LIN28A: variants seen among roughly 807,000 people sequenced by gnomAD.
The protein encoded by LIN28A is protein lin-28 homolog A.
A neutral mutation model predicts 21.1 loss-of-function variants in LIN28A; 11 were observed. The ratio of observed to expected loss-of-function variants is 0.52; its 90% CI spans 0.33 to 0.86. LIN28A has a LOEUF of 0.86. Among genes scored for constraint, LIN28A ranks in the 40% least tolerant of loss-of-function variants. LIN28A has a pLI of 0.03. For synonymous variants in LIN28A, 111 were observed against 108.7 expected (o/e 1.02, Z -0.13); for missense variants, 219 against 279.8 (o/e 0.78, Z 1.55).
intron 2 of LIN28A, among the ~76,000 whole-genome samples, chr1:26,418,217 C>G (rs2075006620): frequency 6.6e-6 from 1 of 152,060 alleles, no homozygotes; most frequent in Non-Finnish European, 1.5e-5. Flanking sequence ...AGTACTTTAA[C>G]TGGAGAGATT....
rs1390676157 is a variant in LIN28A, at chr1:26,411,856, G to GGCAGGGA, written c.228+276_228+282dup. On this transcript the variant is annotated intron_variant, in intron 2 of 3. Transcript: ENST00000326279. This position sits in a 1 kb window ranked among gnomAD's most constrained non-coding sequence, Gnocchi z 5.4. The stretch of plus-strand genomic sequence containing the variant: ...CTCTTTCCCCTGGGAAGGGGCAGGG[G>GGCAGGGA]GCAGGGAGGTGACCCCATGTGGCAG... 1.6e-4 allele frequency among the ~76,000 whole-genome samples: 25 copies of GGCAGGGA among 152,236 alleles called. No homozygotes were observed. The highest frequency in any genetic ancestry group is 1.6e-3 in the Admixed American group (24 of 15,288).
At position 26,410,818 on chromosome 1, in the gene LIN28A, CT is replaced by C; in HGVS notation, c.-71del. On this transcript the variant is annotated 5_prime_UTR_variant, in exon 1 of 4. Coordinates refer to ENST00000326279, the MANE Select transcript of LIN28A (RefSeq NM_024674.6). ...TAGCAGCTTCTTCTCCGAACCAACC[CT>C]TTGCCTTCGGACTTCTCCGGGGCCA... 2.6e-6 allele frequency: 4 copies of C among 1,532,334 alleles called. No homozygotes were observed. Among genetic ancestry groups the C allele is most frequent in the Non-Finnish European group, 3.6e-6 (4 of 1,107,854 alleles). The allele number at this position is 1,532,334 out of a possible 1,614,324, so 94.9% of individuals were successfully genotyped here. A position where few individuals can be genotyped will look rare whatever the true frequency, so the allele number is the denominator to read the frequency against.
Position 26,426,622 on chromosome 1 carries a change from G to A in LIN28A, c.*164G>A. On this transcript the variant is annotated 3_prime_UTR_variant, in exon 4 of 4. Coordinates refer to ENST00000326279, the MANE Select transcript of LIN28A (RefSeq NM_024674.6). ...TCTTCCCTCTAGGTGGGGGGAAAGGGTGAGTCAAAGGAACTCCAACCATGC... is the reference window on the plus strand; with the variant it reads ...TCTTCCCTCTAGGTGGGGGGAAAGGATGAGTCAAAGGAACTCCAACCATGC... 2 of 629,356 alleles carry A rather than the reference G, an allele frequency of 3.2e-6. No homozygotes were observed. The highest frequency in any genetic ancestry group is 5.7e-6 in the Non-Finnish European group (2 of 350,296). The allele number at this position is 629,356 out of a possible 1,614,324, so 39.0% of individuals were successfully genotyped here.
Position 26,424,943 on chromosome 1 carries a change from A to G in LIN28A, c.229-360A>G, listed in dbSNP as rs1187423001. Among the ~76,000 whole-genome samples, 3 of 152,084 alleles carry G rather than the reference A, an allele frequency of 2.0e-5. No individual in the cohort carries two copies. In the East Asian group the frequency reaches 5.8e-4, roughly 29 times the overall value. On this transcript the variant is annotated intron_variant, in intron 2 of 3. Coordinates refer to ENST00000326279, the MANE Select transcript of LIN28A (RefSeq NM_024674.6). Reference sequence around the variant, plus strand: ...TTTTTAGTAGAGACAGAGTTTCACCATGTTGGCCAAGCTGGTCTCGAACTC... The same window carrying G: ...TTTTTAGTAGAGACAGAGTTTCACCGTGTTGGCCAAGCTGGTCTCGAACTC...
intron 2 of LIN28A, among the ~76,000 whole-genome samples, chr1:26,415,766 C>T (rs774337460): frequency 2.0e-5 from 3 of 152,074 alleles, no homozygotes; most frequent in Non-Finnish European, 2.9e-5. Context: ...GATCACCACT[C>T]GGAGCCCAGA....
chr1:26,425,458 C>A lies in LIN28A; in HGVS notation c.384C>A (p.Ser128Arg). The A allele has an allele frequency of 6.2e-7, 1 of 1,614,028 alleles. No individual in the cohort carries two copies. The highest frequency in any genetic ancestry group is 8.5e-7 in the Non-Finnish European group (1 of 1,179,974). The change falls in exon 3 of 4, where the codon AGC becomes AGA. Residue 128 changes from serine (S) to arginine (R), a missense_variant. By Grantham distance (110) the Ser-to-Arg change is moderately radical. Transcript: ENST00000326279. The part of the protein sequence containing the change: ...IGSERRPKGK[S>R]MQKRRSKGDR... ...GTGAGAGGCGGCCAAAAGGAAAGAG[C>A]ATGCAGAAGCGCAGATCAAAAGGAG...
At chr1:26,422,510 A>G (rs955494843) in intron 2 of LIN28A, among the ~76,000 whole-genome samples, 1 of 148,824 alleles carries the variant, frequency 6.7e-6, no homozygotes, top group Admixed American at 6.7e-5. Flanking sequence ...TATGACCTTG[A>G]CATTTTTGAA....
chr1:26,424,334 G>A (rs547947471), intron 2 of LIN28A, among the ~76,000 whole-genome samples: 30 of 151,922 alleles, frequency 2.0e-4, no homozygotes, highest in African/African-American at 5.8e-4. Flanking sequence ...CTCTGCCTCC[G>A]GGGTTCAAGC....
intron 2 of LIN28A, among the ~76,000 whole-genome samples, chr1:26,419,858 G>A (rs182669654): frequency 7.9e-4 from 120 of 152,238 alleles, no homozygotes; most frequent in Non-Finnish European, 9.4e-4. Flanking sequence ...AATTGCTTGG[G>A]TCCAGAAGGC....
intron 2 of LIN28A, among the ~76,000 whole-genome samples, chr1:26,416,291 C>T (rs764510097): frequency 9.9e-5 from 15 of 152,124 alleles, no homozygotes; most frequent in East Asian, 1.9e-4. Flanking sequence ...TGATGCCCGG[C>T]GACAGTGTAA....
At position 26,425,262 on chromosome 1, in the gene LIN28A, T is replaced by C. The variant is rs1570318115; in HGVS notation, c.229-41T>C. The C allele has an allele frequency of 1.9e-6, 3 of 1,585,042 alleles. 1 individual carries two copies. Among genetic ancestry groups the C allele is most frequent in the South Asian group, 2.2e-5 (2 of 89,098 alleles). ...AGTTCCTTGTCTTTTGGTATAATAA[T>C]GGAAATTAATGTTAAAATTTACTGC... is the stretch of plus-strand genomic sequence containing the variant. On this transcript the variant is annotated intron_variant, in intron 2 of 3. Transcript: ENST00000326279.
rs1315231078 is a variant in LIN28A, at chr1:26,429,241, CTAAAG to C, written c.*2789_*2793del. The C allele has an allele frequency of 6.5e-6, 1 of 153,024 alleles. No individual in the cohort carries two copies. Among genetic ancestry groups the C allele is most frequent in the African/African-American group, 2.4e-5 (1 of 41,418 alleles). 9.5% of individuals were successfully genotyped at this position (153,024 alleles called of 1,614,324 possible). A position where few individuals can be genotyped will look rare whatever the true frequency, so the allele number is the denominator to read the frequency against. On this transcript the variant is annotated 3_prime_UTR_variant, in exon 4 of 4. Transcript: ENST00000326279. ...ACCTCCTTAATTTTAATTTCTAATC[CTAAAG>C]TAAAGAGATGCAATTGGGGGCCTTC...
intron 2 of LIN28A, among the ~76,000 whole-genome samples, chr1:26,413,828 T>C (rs1410894215): frequency 2.1e-5 from 3 of 144,404 alleles, no homozygotes; most frequent in East Asian, 2.0e-4. Flanking sequence ...TTTGTTGCTT[T>C]TTTTTTTTTT....
Position 26,411,039 on chromosome 1 carries a change from C to T in LIN28A, c.31+117C>T. The T allele has an allele frequency of 7.5e-7, 1 of 1,328,366 alleles. No individual in the cohort carries two copies. The highest frequency in any genetic ancestry group is 1.0e-6 in the Non-Finnish European group (1 of 980,082). The allele number at this position is 1,328,366 out of a possible 1,614,324, so 82.3% of individuals were successfully genotyped here. A position where few individuals can be genotyped will look rare whatever the true frequency, so the allele number is the denominator to read the frequency against. On this transcript the variant is annotated intron_variant, in intron 1 of 3. Transcript: ENST00000326279. This position sits in a 1 kb window ranked among gnomAD's most constrained non-coding sequence, Gnocchi z 5.4. ...CCCAAAGGACCCCAAGACGGTGCGG[C>T]CTTCTGCTTCATAGGGCCGTCTCTG...
chr1:26,424,983 T>C (rs920768980), intron 2 of LIN28A, among the ~76,000 whole-genome samples: 9 of 152,150 alleles, frequency 5.9e-5, no homozygotes, highest in African/African-American at 2.2e-4. Context: ...CTTCAGGTGA[T>C]CCTCCCGCCT....
intron 2 of LIN28A, among the ~76,000 whole-genome samples, chr1:26,425,057 A>G (rs2075050362): frequency 6.6e-6 from 1 of 152,106 alleles, no homozygotes; most frequent in African/African-American, 2.4e-5. Context: ...GTTCTATTTT[A>G]TTAAGAACTT....
chr1:26,422,132 C>T (rs1020589013), intron 2 of LIN28A, among the ~76,000 whole-genome samples: 9 of 152,112 alleles, frequency 5.9e-5, no homozygotes, highest in Non-Finnish European at 1.0e-4. Flanking sequence ...CCTCAGCCTC[C>T]CCAGTAGTTG....
At chr1:26,425,137 T>C (rs2075050861) in intron 2 of LIN28A, among the ~76,000 whole-genome samples, 166 bp from the exon 3 acceptor site, 2 of 152,230 alleles carry the variant, frequency 1.3e-5, no homozygotes, top group African/African-American at 4.8e-5. Context: ...AATGTACTGG[T>C]AGACTTTGTT....
Position 26,411,556 on chromosome 1 carries a change from C to G in LIN28A, c.202C>G (p.Pro68Ala). 6.2e-7 allele frequency: 1 copy of G among 1,613,780 alleles called. No individual in the cohort carries two copies. ...CGCCCGCGCCGGGGTCGCGCTCGAC[C>G]CCCCAGTGGATGTCTTTGTGCACCA... The part of the protein sequence containing the change: ...MTARAGVALD[P>A]PVDVFVHQSK... Residue 68 changes from proline to alanine, a missense_variant, in exon 2 of 4, where the codon CCC becomes GCC. Physicochemically the swap from Pro to Ala is conservative, Grantham distance 27. Transcript: ENST00000326279. This position sits in a 1 kb window ranked among gnomAD's most constrained non-coding sequence, Gnocchi z 5.4.
Sources: gnomAD v4.1 joint callset for allele counts (sites outside exome capture counted in the v4.1 genomes callset) on GRCh38, gnomAD v4.1.1 for gene constraint, Gnocchi (gnomAD v3.1) non-coding constraint, MANE v1.5 for transcripts, NCBI Gene and HGNC (gene_info 2026-07-23, HGNC 2026-07-21) for gene names.